Variants in ATP8A1 observed in about 807,000 individuals in gnomAD.
ATP8A1 encodes the protein ATPase phospholipid transporting 8A1, also known as phospholipid-transporting ATPase IA.
In ATP8A1, 90 loss-of-function variants were observed where a neutral mutation model predicts 177.7. The ratio of observed to expected loss-of-function variants is 0.51; its 90% CI spans 0.43 to 0.60. The LOEUF (loss-of-function observed/expected upper bound fraction) is 0.60, where lower values mean the gene tolerates loss of function less well. Ranked by LOEUF, ATP8A1 falls within the 20% of genes least tolerant of loss-of-function variation. The pLI, the probability that ATP8A1 is intolerant of heterozygous loss-of-function variation, is 0.00. For missense variants in ATP8A1, 1,072 were observed against 1,392.8 expected (o/e 0.77, Z 3.67); for synonymous variants, 493 against 485.9 (o/e 1.01, Z -0.19).
chr4:42,579,305 T>A (rs937528875), intron 11 of ATP8A1, among the ~76,000 whole-genome samples: 18 of 150,410 alleles, frequency 1.2e-4, no homozygotes, highest in Middle Eastern at 3.5e-3. Flanking sequence ...TTAAACCATA[T>A]AAACCACTTT....
At chr4:42,557,166 A>C (rs772250349) in intron 15 of ATP8A1, among the ~76,000 whole-genome samples, 4 of 152,326 alleles carry the variant, frequency 2.6e-5, no homozygotes, top group Admixed American at 6.5e-5. Context: ...TAAGTCTCCA[A>C]ATCGTAAGAA....
Position 42,444,626 on chromosome 4 carries a change from C to G in ATP8A1, c.2967G>C (p.Val989=). The change falls in exon 32 of 37, where the codon GTG becomes GTC. Residue 989 remains valine, a synonymous_variant. Coordinates refer to ENST00000381668, the MANE Select transcript of ATP8A1 (RefSeq NM_006095.2). Reference sequence around the variant, plus strand: ...ATCCAGCTTTCAAACACACAGTTATCACCACAAACTAAAACAGAAGGGGAA... The same window carrying G: ...ATCCAGCTTTCAAACACACAGTTATGACCACAAACTAAAACAGAAGGGGAA... ...LLGNFVYTFV[V]ITVCLKAGLE... The G allele has an allele frequency of 6.2e-7, 1 of 1,613,890 alleles. No homozygotes were observed. The highest frequency in any genetic ancestry group is 8.5e-7 in the Non-Finnish European group (1 of 1,179,880).
At chr4:42,413,684 C>A (rs1161456433) in intron 36 of ATP8A1, among the ~76,000 whole-genome samples, 1 of 152,184 alleles carries the variant, frequency 6.6e-6, no homozygotes, top group African/African-American at 2.4e-5. Context: ...ATGGCAAGTT[C>A]AAGTTTTGCT....
At chr4:42,578,180 C>T (rs900769772) in intron 12 of ATP8A1, 80 bp downstream of exon 12, 2 of 1,343,712 alleles carry the variant, frequency 1.5e-6, no homozygotes, top group Admixed American at 2.7e-5. Flanking sequence ...ATAATTAAAA[C>T]CTTTTTTCTC....
In ATP8A1 at chr4:42,568,159, T is replaced by C. The variant is rs540935134; in HGVS notation, c.1340+1002A>G. Among the ~76,000 whole-genome samples, 10 of 152,290 alleles carry C rather than the reference T, an allele frequency of 6.6e-5. No homozygotes were observed. In the East Asian group the frequency reaches 1.7e-3, roughly 26 times the overall value. ...TCAAAATGTACGACACTCCAAGCAA[T>C]GGGCATGTGGTGTCTCATCAGTTGT... On this transcript the variant is annotated intron_variant, in intron 15 of 36. Transcript: ENST00000381668.
In ATP8A1 at chr4:42,485,525, A is replaced by G. The variant is rs931404347; in HGVS notation, c.2295T>C (p.Ala765=). 7 of 1,612,330 alleles carry G rather than the reference A, an allele frequency of 4.3e-6. No individual in the cohort carries two copies. The Admixed American group carries it at 5.0e-5, about 12-fold the overall frequency. ...AGCAAATGACAGCTTTGCATGACAAAGCTAAGTCCAGGAAATACTGTCGTA... is the reference window on the plus strand; with the variant it reads ...AGCAAATGACAGCTTTGCATGACAAGGCTAAGTCCAGGAAATACTGTCGTA... ...FGVRQYFLDL[A]LSCKAVICCR... is the part of the protein sequence containing the mutation. Residue 765 remains alanine, a synonymous_variant, in exon 25 of 37, where the codon GCT becomes GCC. Transcript: ENST00000381668.
intron 6 of ATP8A1, chr4:42,594,500 G>A (rs770847424): frequency 1.4e-5 from 8 of 590,110 alleles, no homozygotes; most frequent in Non-Finnish European, 2.4e-5. Flanking sequence ...CAAAATGGAA[G>A]AAAATTATCT....
rs547544252 is a variant in ATP8A1, at chr4:42,613,717, G to A, written c.409+2316C>T. Reference sequence around the variant, plus strand: ...TCCTACCTCAGCCTCCCGAATAGCTGGGATTACAGGCGCCTGCCACCACGC... The same window carrying A: ...TCCTACCTCAGCCTCCCGAATAGCTAGGATTACAGGCGCCTGCCACCACGC... On this transcript the variant is annotated intron_variant, in intron 5 of 36. Coordinates refer to ENST00000381668, the MANE Select transcript of ATP8A1 (RefSeq NM_006095.2). Among the ~76,000 whole-genome samples, 57 of 152,110 alleles carry A rather than the reference G, an allele frequency of 3.7e-4. 1 individual carries two copies. The South Asian group carries it at 7.5e-3, about 20-fold the overall frequency.
In ATP8A1 at chr4:42,446,589, C is replaced by A; in HGVS notation, c.2952G>T (p.Val984=). ...TSDYLLLGNF[V]YTFVVITVCL... ...ACCGACATCCCGCACTCACAGTGTACACAAAGTTTCCCAGTAGCAGATAAT... is the reference window on the plus strand; with the variant it reads ...ACCGACATCCCGCACTCACAGTGTAAACAAAGTTTCCCAGTAGCAGATAAT... Residue 984 remains valine (V), a synonymous_variant, in exon 31 of 37, where the codon GTG becomes GTT. Transcript: ENST00000381668. 6.2e-7 allele frequency: 1 copy of A among 1,613,872 alleles called. No individual in the cohort carries two copies. Among genetic ancestry groups the A allele is most frequent in the Non-Finnish European group, 8.5e-7 (1 of 1,179,812 alleles).
chr4:42,526,296 T>G (rs934916785), intron 20 of ATP8A1, among the ~76,000 whole-genome samples: 4 of 152,086 alleles, frequency 2.6e-5, no homozygotes, highest in Non-Finnish European at 5.9e-5. Context: ...AAAATGAAAA[T>G]GGGTCGGCTA....
intron 24 of ATP8A1, among the ~76,000 whole-genome samples, chr4:42,495,614 G>T (rs531582819): frequency 1.1e-4 from 16 of 146,692 alleles, no homozygotes; most frequent in Admixed American, 4.1e-4. Context: ...GTATTTATTG[G>T]TTTTTTTTTT....
At chr4:42,527,480 T>A (rs1726797622) in intron 20 of ATP8A1, among the ~76,000 whole-genome samples, 1 of 152,170 alleles carries the variant, frequency 6.6e-6, no homozygotes, top group Non-Finnish European at 1.5e-5. Flanking sequence ...CATGTTGCCA[T>A]CAGCCTTTCC....
chr4:42,624,759 T>C lies in ATP8A1; in HGVS notation c.265-125A>G, dbSNP rs200912400. 8 of 469,438 alleles carry C rather than the reference T, an allele frequency of 1.7e-5. No individual in the cohort carries two copies. The East Asian group carries it at 2.7e-4, about 16-fold the overall frequency. The allele number at this position is 469,438 out of a possible 1,614,324, so 29.1% of individuals were successfully genotyped here. A position where few individuals can be genotyped will look rare whatever the true frequency, so the allele number is the denominator to read the frequency against. On this transcript the variant is annotated intron_variant, in intron 3 of 36. Transcript: ENST00000381668. ...TGATTTTACTATCTTGGCCGACTAA[T>C]GCTGAGTGAGGTAATGTGTTCGTAT...
rs567940225 is a variant in ATP8A1 at position 42,444,695 on chromosome 4, G to A, written c.2959-61C>T. The A allele has an allele frequency of 1.4e-5, 21 of 1,493,650 alleles. No individual in the cohort carries two copies. The East Asian group carries it at 4.1e-4, about 29-fold the overall frequency. 92.5% of individuals were successfully genotyped at this position (1,493,650 alleles called of 1,614,324 possible). Reference sequence around the variant, plus strand: ...AAACATGAAAGTTCATCAAATGACTGAAGGATTTATAAAGAACAGAGATCT... The same window carrying A: ...AAACATGAAAGTTCATCAAATGACTAAAGGATTTATAAAGAACAGAGATCT... On this transcript the variant is annotated intron_variant, in intron 31 of 36. Coordinates refer to ENST00000381668, the MANE Select transcript of ATP8A1 (RefSeq NM_006095.2).
At chr4:42,413,112 C>T in intron 36 of ATP8A1, 99 bp from the exon 37 acceptor site, 1 of 870,554 alleles carries the variant, frequency 1.1e-6, no homozygotes, top group Non-Finnish European at 1.8e-6. Context: ...GGAACAAATG[C>T]AGCCTTCCCA....
intron 29 of ATP8A1, among the ~76,000 whole-genome samples, chr4:42,452,422 T>C (rs901776858): frequency 6.6e-6 from 1 of 152,218 alleles, no homozygotes; most frequent in Non-Finnish European, 1.5e-5. Flanking sequence ...TAAAAGATTA[T>C]AATTTGGGGA....
intron 25 of ATP8A1, among the ~76,000 whole-genome samples, chr4:42,473,623 G>GTT (rs146047347): frequency 1.5e-4 from 23 of 151,328 alleles, no homozygotes; most frequent in Admixed American, 1.1e-3. Context: ...AAGGGATAAA[G>GTT]TTTTTTTATT....
intron 8 of ATP8A1, among the ~76,000 whole-genome samples, chr4:42,587,446 T>TA (rs1733735033): frequency 6.6e-6 from 1 of 151,750 alleles, no homozygotes; most frequent in African/African-American, 2.4e-5. Context: ...TAGCTGGGAT[T>TA]ACAGGCACAT....
intron 1 of ATP8A1, among the ~76,000 whole-genome samples, chr4:42,654,196 T>C (rs1212307243): frequency 6.6e-6 from 1 of 152,218 alleles, no homozygotes; most frequent in Non-Finnish European, 1.5e-5. Context: ...GCAGGCCTTA[T>C]GTTCAGTAAT....
Sources: allele counts gnomAD v4.1 joint callset (sites outside exome capture counted in the v4.1 genomes callset), GRCh38; gene constraint gnomAD v4.1.1; transcripts MANE v1.5; gene names NCBI Gene and HGNC (gene_info 2026-07-23, HGNC 2026-07-21).